LAMC3: variants seen among roughly 807,000 people sequenced by gnomAD.
LAMC3 encodes laminin subunit gamma 3, also known as laminin subunit gamma-3.
LAMC3 carries 128 observed loss-of-function variants against 173.8 expected under a neutral mutation model. That is an observed-to-expected ratio of 0.74 (90% CI 0.64 to 0.85). The LOEUF (loss-of-function observed/expected upper bound fraction) is 0.85. Ranked by LOEUF, LAMC3 falls within the 40% of genes least tolerant of loss-of-function variation. The pLI, the probability that LAMC3 is intolerant of heterozygous loss-of-function variation, is 0.00. For synonymous variants in LAMC3, 897 were observed against 909.1 expected (o/e 0.99, Z 0.24); for missense variants, 2,022 against 2,156.0 (o/e 0.94, Z 1.23).
chr9:131,028,785 G>T (rs1032547302), intron 2 of LAMC3, among the ~76,000 whole-genome samples: 4 of 152,220 alleles, frequency 2.6e-5, no homozygotes, highest in African/African-American at 9.6e-5. Context: ...ATGTGACAGT[G>T]TGCGTAGAGT....
At chr9:131,062,895 A>G (rs141152716) in intron 13 of LAMC3, among the ~76,000 whole-genome samples, 2 of 150,490 alleles carry the variant, frequency 1.3e-5, no homozygotes, top group African/African-American at 2.4e-5. Context: ...AAAAAAAAGG[A>G]TTGTTGAATA....
rs757059216 is a variant in LAMC3 at position 131,087,485 on chromosome 9, G to C, written c.4240G>C (p.Ala1414Pro). The change falls in exon 26 of 28, where the codon GCC becomes CCC. Residue 1414 changes from alanine (A) to proline (P), a missense_variant. Coordinates refer to ENST00000361069, the MANE Select transcript of LAMC3 (RefSeq NM_006059.4). Reference protein sequence around the residue: ...LAKDSAKLAKALLRERKQAHR... With the variant: ...LAKDSAKLAKPLLRERKQAHR... ...GCCACCCATCCCATAGCTTGCCAAG[G>C]CCTTGCTGAGGGAGCGGAAACAGGC... 1.2e-6 allele frequency: 2 copies of C among 1,613,826 alleles called. No individual in the cohort carries two copies. Among genetic ancestry groups the C allele is most frequent in the Non-Finnish European group, 1.7e-6 (2 of 1,180,016 alleles).
chr9:131,083,519 G>C (rs887078135), intron 24 of LAMC3, among the ~76,000 whole-genome samples: 1 of 152,124 alleles, frequency 6.6e-6, no homozygotes, highest in Non-Finnish European at 1.5e-5. Context: ...GATACGCTCT[G>C]CCAAGAGAGG....
intron 24 of LAMC3, among the ~76,000 whole-genome samples, chr9:131,084,580 T>A (rs142720363): frequency 6.6e-6 from 1 of 152,166 alleles, no homozygotes; most frequent in African/African-American, 2.4e-5. Context: ...CTACTTCTTA[T>A]TGGATAATAA....
At chr9:131,083,025 G>A (rs542434264) in intron 24 of LAMC3, among the ~76,000 whole-genome samples, 38 of 152,288 alleles carry the variant, frequency 2.5e-4, no homozygotes, top group African/African-American at 8.9e-4. Context: ...ACTTCCTGTC[G>A]GAAAGGCGTG....
At position 131,093,004 on chromosome 9, in the gene LAMC3, G is replaced by A. The variant is rs1190956597; in HGVS notation, c.*1217G>A. ...GCTCCCCTGACAGGGGCAGGGGTAG[G>A]GCAGCAGCACAGACCAATTCCGTTG... On this transcript the variant is annotated 3_prime_UTR_variant, in exon 28 of 28. Coordinates refer to ENST00000361069, the MANE Select transcript of LAMC3 (RefSeq NM_006059.4). The A allele has an allele frequency of 6.6e-6, 1 of 152,460 alleles. No homozygotes were observed. Among genetic ancestry groups the A allele is most frequent in the Non-Finnish European group, 1.5e-5 (1 of 68,228 alleles). The allele number at this position is 152,460 out of a possible 1,614,324, so 9.4% of individuals were successfully genotyped here. A position where few individuals can be genotyped will look rare whatever the true frequency, so the allele number is the denominator to read the frequency against.
At chr9:131,085,236 C>A (rs1452984506) in intron 24 of LAMC3, among the ~76,000 whole-genome samples, 1 of 152,182 alleles carries the variant, frequency 6.6e-6, no homozygotes, top group Non-Finnish European at 1.5e-5. Context: ...GTGCTAGTCC[C>A]CACCACTGGC....
chr9:131,073,306 G>T lies in LAMC3; in HGVS notation c.3479G>T (p.Arg1160Leu). ...TKWSHLATEA[R>L]ALARSHRDTA... ...TGGAGCCACCTGGCCACAGAGGCCC[G>T]TGCCCTCGCCAGGAGGTGAGTCCCA... is the stretch of plus-strand genomic sequence containing the variant. The change falls in exon 20 of 28, where the codon CGT becomes CTT. Residue 1160 changes from arginine (R) to leucine (L), a missense_variant. Transcript: ENST00000361069. 1 of 1,613,552 alleles carries T rather than the reference G, an allele frequency of 6.2e-7. No homozygotes were observed. Among genetic ancestry groups the T allele is most frequent in the Non-Finnish European group, 8.5e-7 (1 of 1,179,682 alleles).
At position 131,031,681 on chromosome 9, in the gene LAMC3, G is replaced by A. The variant is rs570532276; in HGVS notation, c.679-364G>A. Among the ~76,000 whole-genome samples, 4 of 152,266 alleles carry A rather than the reference G, an allele frequency of 2.6e-5. No homozygotes were observed. The South Asian group carries it at 6.2e-4, about 24-fold the overall frequency. ...CAGTGGGCTGCTTTGACCCCTGCCC[G>A]CCCAAACCTCAGCTGCTTCCTGACC... On this transcript the variant is annotated intron_variant, in intron 2 of 27. Coordinates refer to ENST00000361069, the MANE Select transcript of LAMC3 (RefSeq NM_006059.4).
At position 131,082,075 on chromosome 9, in the gene LAMC3, G is replaced by A; in HGVS notation, c.3944G>A (p.Arg1315Lys). The A allele has an allele frequency of 6.2e-7, 1 of 1,613,816 alleles. No homozygotes were observed. Among genetic ancestry groups the A allele is most frequent in the South Asian group, 1.1e-5 (1 of 91,032 alleles). Residue 1315 changes from arginine (R) to lysine (K), a missense_variant, in exon 24 of 28, where the codon AGA becomes AAA. Coordinates refer to ENST00000361069, the MANE Select transcript of LAMC3 (RefSeq NM_006059.4). ...EPLTKLHQEARAALTQASSSV... is the reference protein window; with the variant it reads ...EPLTKLHQEAKAALTQASSSV... Reference sequence around the variant, plus strand: ...TCTCTCCAGCTGCACCAGGAGGCCAGAGCCGCCCTGACCCAGGCTTCCTCA... The same window carrying A: ...TCTCTCCAGCTGCACCAGGAGGCCAAAGCCGCCCTGACCCAGGCTTCCTCA...
chr9:131,081,931 C>A, intron 23 of LAMC3, 128 bp from the exon 24 acceptor site: 1 of 706,900 alleles, frequency 1.4e-6, no homozygotes, highest in Non-Finnish European at 2.6e-6. Context: ...TGGTGGACAG[C>A]GTGACCCAGC....
intron 2 of LAMC3, among the ~76,000 whole-genome samples, chr9:131,027,497 T>C (rs1206565630): frequency 2.0e-5 from 3 of 152,218 alleles, no homozygotes; most frequent in Non-Finnish European, 4.4e-5. Context: ...CAGCACTTTC[T>C]GTGATGACGG....
At chr9:131,081,566 G>T (rs1470993098) in intron 23 of LAMC3, among the ~76,000 whole-genome samples, 1 of 151,584 alleles carries the variant, frequency 6.6e-6, no homozygotes, top group South Asian at 2.1e-4. Context: ...TGCCCCATAG[G>T]TTCAAGCCAT....
rs16404 is a variant in LAMC3 at position 131,091,926 on chromosome 9, C to CAT, written c.*139_*140insAT. On this transcript the variant is annotated 3_prime_UTR_variant, in exon 28 of 28. Coordinates refer to ENST00000361069, the MANE Select transcript of LAMC3 (RefSeq NM_006059.4). ...GAACTCGCCCCCGTGTGGATAGTCACTCCCTGCCGATTCTGTCTGTGGCTT... is the reference window on the plus strand; with the variant it reads ...GAACTCGCCCCCGTGTGGATAGTCACATTCCCTGCCGATTCTGTCTGTGGCTT... 98 of 1,020,042 alleles carry CAT rather than the reference C, an allele frequency of 9.6e-5. No homozygotes were observed. The South Asian group carries it at 1.4e-3, about 15-fold the overall frequency. 63.2% of individuals were successfully genotyped at this position (1,020,042 alleles called of 1,614,324 possible). A position where few individuals can be genotyped will look rare whatever the true frequency, so the allele number is the denominator to read the frequency against.
chr9:131,073,920 G>A (rs1231509974), intron 20 of LAMC3, among the ~76,000 whole-genome samples: 2 of 127,864 alleles, frequency 1.6e-5, no homozygotes, highest in Non-Finnish European at 3.1e-5. Context: ...TTTGCACAGT[G>A]TTTTCTTTTT....
At chr9:131,081,745 G>A (rs1830246436) in intron 23 of LAMC3, among the ~76,000 whole-genome samples, 1 of 152,196 alleles carries the variant, frequency 6.6e-6, no homozygotes, top group African/African-American at 2.4e-5. Context: ...AAAGTGTTGG[G>A]ATTACAGGTG....
chr9:131,049,302 T>G (rs1834238239), intron 9 of LAMC3, among the ~76,000 whole-genome samples, 172 bp downstream of exon 9: 1 of 152,194 alleles, frequency 6.6e-6, no homozygotes, highest in Non-Finnish European at 1.5e-5. Flanking sequence ...AGGGCTGAGT[T>G]CCTTCTGGAG....
chr9:131,032,831 G>A (rs1833868962), intron 3 of LAMC3, among the ~76,000 whole-genome samples: 2 of 152,214 alleles, frequency 1.3e-5, no homozygotes, highest in South Asian at 2.1e-4. Context: ...ACCACGCCCG[G>A]CTAATTTTGT....
In LAMC3 at chr9:131,026,262, G is replaced by A; in HGVS notation, c.374-23G>A. 2 of 1,613,820 alleles carry A rather than the reference G, an allele frequency of 1.2e-6. No individual in the cohort carries two copies. The highest frequency in any genetic ancestry group is 1.7e-6 in the Non-Finnish European group (2 of 1,179,942). On this transcript the variant is annotated intron_variant, in intron 1 of 27. Transcript: ENST00000361069. This position sits in a 1 kb window ranked among gnomAD's most constrained non-coding sequence, Gnocchi z 4.8. ...ATACCTCCTTCCCCTTCCATAAAAT[G>A]GGCCCCGTTTTCCTGGCTGCAGGGA...
Sources: gnomAD v4.1 joint callset for allele counts (sites outside exome capture counted in the v4.1 genomes callset) on GRCh38, gnomAD v4.1.1 for gene constraint, Gnocchi (gnomAD v3.1) non-coding constraint, MANE v1.5 for transcripts, NCBI Gene and HGNC (gene_info 2026-07-23, HGNC 2026-07-21) for gene names.